Variants in ZBTB8B observed in about 807,000 individuals in gnomAD.
The protein encoded by ZBTB8B is zinc finger and BTB domain-containing protein 8B.
ZBTB8B carries 17 observed loss-of-function variants against 30.3 expected under a neutral mutation model. The observed-to-expected ratio is 0.56, with a 90% CI of 0.38 to 0.84. The LOEUF is 0.84. Ranked by LOEUF, ZBTB8B falls within the 40% of genes least tolerant of loss-of-function variation. ZBTB8B has a pLI of 0.00. For missense variants in ZBTB8B, 515 were observed against 644.9 expected, an observed-to-expected ratio of 0.80 and a Z score of 2.18; for synonymous variants, 248 against 255.6, an observed-to-expected ratio of 0.97 and a Z score of 0.28.
chr1:32,475,126 C>T (rs1643652749), intron 2 of ZBTB8B, among the ~76,000 whole-genome samples: 1 of 152,208 alleles, frequency 6.6e-6, no homozygotes, highest in South Asian at 2.1e-4. Context: ...CATACGGCTC[C>T]AGGGTATAGT....
Position 32,487,343 on chromosome 1 carries a change from A to G in ZBTB8B, c.*1925A>G, listed in dbSNP as rs1382878768. 6.6e-6 allele frequency: 1 copy of G among 152,222 alleles called. No individual in the cohort carries two copies. Among genetic ancestry groups the G allele is most frequent in the Non-Finnish European group, 1.5e-5 (1 of 68,064 alleles). 9.4% of individuals were successfully genotyped at this position (152,222 alleles called of 1,614,324 possible). On this transcript the variant is annotated 3_prime_UTR_variant, in exon 4 of 4. Coordinates refer to ENST00000609129, the MANE Select transcript of ZBTB8B (RefSeq NM_001145720.2). ...ACAAGGAAAGTCAGAAATTAAGAAT[A>G]CACATATAGAAATGTTGATAACACT...
chr1:32,479,027 AC>A (rs1160784852), intron 2 of ZBTB8B, among the ~76,000 whole-genome samples: 1 of 152,200 alleles, frequency 6.6e-6, no homozygotes, highest in East Asian at 1.9e-4. Flanking sequence ...CTGTTATCAT[AC>A]CTGTTTTACA....
At position 32,470,966 on chromosome 1, in the gene ZBTB8B, C is replaced by G; in HGVS notation, c.342C>G (p.Cys114Trp). ...AGATGAATGACGTGGTGAACTTCTG[C>G]AAGACATACATTAGGTCATCCCTCG... Reference protein sequence around the residue: ...YLQMNDVVNFCKTYIRSSLDI... With the variant: ...YLQMNDVVNFWKTYIRSSLDI... Residue 114 changes from cysteine to tryptophan, a missense_variant, in exon 2 of 4, where the codon TGC becomes TGG. Coordinates refer to ENST00000609129, the MANE Select transcript of ZBTB8B (RefSeq NM_001145720.2). 1 of 1,552,254 alleles carries G rather than the reference C, an allele frequency of 6.4e-7. No individual in the cohort carries two copies. Among genetic ancestry groups the G allele is most frequent in the Non-Finnish European group, 8.7e-7 (1 of 1,147,110 alleles).
At chr1:32,467,325 C>T (rs905782101) in intron 1 of ZBTB8B, among the ~76,000 whole-genome samples, 3 of 151,538 alleles carry the variant, frequency 2.0e-5, no homozygotes, top group African/African-American at 7.3e-5. Flanking sequence ...TCACTGCAGC[C>T]TCCGCCTCCA....
chr1:32,489,734 C>T lies in ZBTB8B; in HGVS notation c.*4316C>T, dbSNP rs1252852237. The T allele has an allele frequency of 6.6e-6, 1 of 152,134 alleles. No homozygotes were observed. The highest frequency in any genetic ancestry group is 1.9e-4 in the East Asian group (1 of 5,202). The allele number at this position is 152,134 out of a possible 1,614,324, so 9.4% of individuals were successfully genotyped here. On this transcript the variant is annotated 3_prime_UTR_variant, in exon 4 of 4. Coordinates refer to ENST00000609129, the MANE Select transcript of ZBTB8B (RefSeq NM_001145720.2). ...TACTTGTAATGGAATTCCAAAATGGCATTCTTGGGAAGTTATTTCTCTTGG... is the reference window on the plus strand; with the variant it reads ...TACTTGTAATGGAATTCCAAAATGGTATTCTTGGGAAGTTATTTCTCTTGG...
rs1553170367 is a variant in ZBTB8B, at chr1:32,470,513, A to AAGAAG, written c.-41-70_-41-69insGAAGA. On this transcript the variant is annotated intron_variant, in intron 1 of 3. Coordinates refer to ENST00000609129, the MANE Select transcript of ZBTB8B (RefSeq NM_001145720.2). ...AGACGCTGACTCAAAAAAAAAAAAA[A>AAGAAG]AAAAAAAAAAAAAGAAATCTTGTTT... 23 of 1,091,448 alleles carry AAGAAG rather than the reference A, an allele frequency of 2.1e-5. No homozygotes were observed. The East Asian group carries it at 7.6e-4, about 36-fold the overall frequency. The allele number at this position is 1,091,448 out of a possible 1,614,324, so 67.6% of individuals were successfully genotyped here.
In ZBTB8B at chr1:32,486,812, A is replaced by T. The variant is rs974909228; in HGVS notation, c.*1394A>T. 6.6e-6 allele frequency: 1 copy of T among 152,222 alleles called. No homozygotes were observed. 9.4% of individuals were successfully genotyped at this position (152,222 alleles called of 1,614,324 possible). A position where few individuals can be genotyped will look rare whatever the true frequency, so the allele number is the denominator to read the frequency against. On this transcript the variant is annotated 3_prime_UTR_variant, in exon 4 of 4. Transcript: ENST00000609129. Reference sequence around the variant, plus strand: ...CTAGAACTTTAATTGGAGGGAAAGTATAAGCCCATAATGCCAAGTAACATT... The same window carrying T: ...CTAGAACTTTAATTGGAGGGAAAGTTTAAGCCCATAATGCCAAGTAACATT...
intron 2 of ZBTB8B, among the ~76,000 whole-genome samples, chr1:32,478,750 C>T (rs1643682431): frequency 6.6e-6 from 1 of 152,098 alleles, no homozygotes; most frequent in African/African-American, 2.4e-5. Flanking sequence ...GTTGGACTTT[C>T]ACATTCAGTT....
chr1:32,468,860 C>CA (rs770677035), intron 1 of ZBTB8B, among the ~76,000 whole-genome samples: 4,162 of 126,540 alleles, frequency 0.033, 126 homozygotes, highest in African/African-American at 0.086. Flanking sequence ...GAATCTGTCT[C>CA]AAAAAAAAAA....
rs942718422 is a variant in ZBTB8B, at chr1:32,494,289, A to G, written c.*8871A>G. Reference sequence around the variant, plus strand: ...GGGACAGGAGAGATAGTCTAGTCCAACTCCATGTGACAGATGAAATGACGT... The same window carrying G: ...GGGACAGGAGAGATAGTCTAGTCCAGCTCCATGTGACAGATGAAATGACGT... On this transcript the variant is annotated 3_prime_UTR_variant, in exon 4 of 4. Transcript: ENST00000609129. The G allele has an allele frequency of 2.0e-5, 3 of 152,068 alleles. No homozygotes were observed. The highest frequency in any genetic ancestry group is 1.3e-4 in the Admixed American group (2 of 15,240). The allele number at this position is 152,068 out of a possible 1,614,324, so 9.4% of individuals were successfully genotyped here.
Position 32,468,769 on chromosome 1 carries a change from G to A in ZBTB8B, c.-41-1815G>A, listed in dbSNP as rs920735216. On this transcript the variant is annotated intron_variant, in intron 1 of 3. Transcript: ENST00000609129. ...CCAGCTACTTGGGAGGCTGAGGCAG[G>A]AGAATCGCTTGAATATGGAAGGCGG... Among the ~76,000 whole-genome samples the A allele has an allele frequency of 3.9e-5, 6 of 152,106 alleles. No homozygotes were observed. In the South Asian group the frequency reaches 1.3e-3, roughly 32 times the overall value.
At position 32,480,938 on chromosome 1, in the gene ZBTB8B, C is replaced by A; in HGVS notation, c.1039C>A (p.Pro347Thr). The change falls in exon 3 of 4, where the codon CCT becomes ACT. Residue 347 changes from proline to threonine, a missense_variant. Physicochemically the swap from Pro to Thr is conservative, Grantham distance 38. Transcript: ENST00000609129. ...CAAGCTCCACAAGTGTCCTTTCTGC[C>A]CTTACACTGCCAAACAGAAGGGCAT... The part of the protein sequence containing the change: ...PIKLHKCPFC[P>T]YTAKQKGILK... 1.3e-6 allele frequency: 2 copies of A among 1,552,060 alleles called. No individual in the cohort carries two copies. Among genetic ancestry groups the A allele is most frequent in the Non-Finnish European group, 1.7e-6 (2 of 1,147,074 alleles).
At chr1:32,468,435 G>A (rs1643589678) in intron 1 of ZBTB8B, among the ~76,000 whole-genome samples, 2 of 152,252 alleles carry the variant, frequency 1.3e-5, no homozygotes, top group South Asian at 2.1e-4. Flanking sequence ...GTCACAGGGT[G>A]GGATGCCTTA....
rs888454016 is a variant in ZBTB8B at position 32,471,047 on chromosome 1, A to G, written c.423A>G (p.Ala141=). 36 of 1,548,208 alleles carry G rather than the reference A, an allele frequency of 2.3e-5. No individual in the cohort carries two copies. The highest frequency in any genetic ancestry group is 1.7e-4 in the Middle Eastern group (1 of 6,010). Residue 141 remains alanine (A), a synonymous_variant, in exon 2 of 4, where the codon GCA becomes GCG. Coordinates refer to ENST00000609129, the MANE Select transcript of ZBTB8B (RefSeq NM_001145720.2). The part of the protein sequence containing the change: ...EAAVAAAVAA[A]AAAAAAAAAA... ...CTGTGGCTGCAGCAGTGGCGGCGGC[A>G]GCGGCGGCGGCTGCAGCGGCGGCAG...
chr1:32,491,713 C>G lies in ZBTB8B; in HGVS notation c.*6295C>G, dbSNP rs542594831. The G allele has an allele frequency of 6.6e-6, 1 of 152,302 alleles. No homozygotes were observed. Among genetic ancestry groups the G allele is most frequent in the African/African-American group, 2.4e-5 (1 of 41,568 alleles). The allele number at this position is 152,302 out of a possible 1,614,324, so 9.4% of individuals were successfully genotyped here. ...CAAGCGTCACTGTACTTAGGGATGC[C>G]CAGAGCTGAGGCTTCCTATCAGGCA... On this transcript the variant is annotated 3_prime_UTR_variant, in exon 4 of 4. Coordinates refer to ENST00000609129, the MANE Select transcript of ZBTB8B (RefSeq NM_001145720.2).
chr1:32,475,910 C>T lies in ZBTB8B; in HGVS notation c.991+4295C>T, dbSNP rs548872700. ...TCGGCTGACTGCAACCTCCGCCTCC[C>T]AGGTTCAAGTGATTTTCCTGCCTCA... On this transcript the variant is annotated intron_variant, in intron 2 of 3. Coordinates refer to ENST00000609129, the MANE Select transcript of ZBTB8B (RefSeq NM_001145720.2). 6.0e-5 allele frequency among the ~76,000 whole-genome samples: 9 copies of T among 151,242 alleles called. No individual in the cohort carries two copies. In the East Asian group the frequency reaches 1.8e-3, roughly 30 times the overall value.
chr1:32,496,063 C>CA lies in ZBTB8B; in HGVS notation c.*10649dup, dbSNP rs1335580961. The CA allele has an allele frequency of 6.6e-6, 1 of 152,024 alleles. No individual in the cohort carries two copies. The highest frequency in any genetic ancestry group is 1.5e-5 in the Non-Finnish European group (1 of 67,998). 9.4% of individuals were successfully genotyped at this position (152,024 alleles called of 1,614,324 possible). ...TTAGTTAAGGAAAAAAATAACCCCA[C>CA]AAAATAAAGAGAACTATTAGAGCTC... On this transcript the variant is annotated 3_prime_UTR_variant, in exon 4 of 4. Transcript: ENST00000609129.
chr1:32,484,980 T>C lies in ZBTB8B; in HGVS notation c.1171-121T>C. 1.2e-6 allele frequency: 1 copy of C among 840,118 alleles called. No individual in the cohort carries two copies. The highest frequency in any genetic ancestry group is 2.5e-4 in the Middle Eastern group (1 of 4,014). The allele number at this position is 840,118 out of a possible 1,614,324, so 52.0% of individuals were successfully genotyped here. On this transcript the variant is annotated intron_variant, in intron 3 of 3. Transcript: ENST00000609129. This position sits in a 1 kb window ranked among gnomAD's most constrained non-coding sequence, Gnocchi z 4.5. ...CTAATACAAAGACTGTGGCAGAGAATGCAGGTGGAGTGCTGAAAAAGGAAT... is the reference window on the plus strand; with the variant it reads ...CTAATACAAAGACTGTGGCAGAGAACGCAGGTGGAGTGCTGAAAAAGGAAT...
Position 32,494,786 on chromosome 1 carries a change from C to T in ZBTB8B, c.*9368C>T, listed in dbSNP as rs996459173. 1 of 151,954 alleles carries T rather than the reference C, an allele frequency of 6.6e-6. No individual in the cohort carries two copies. The highest frequency in any genetic ancestry group is 1.5e-5 in the Non-Finnish European group (1 of 67,964). The allele number at this position is 151,954 out of a possible 1,614,324, so 9.4% of individuals were successfully genotyped here. ...ATTAACTTGAAGTGATTTTTTCCAACCTCGCTGATTTTTTTCCTTCTTTCT... is the reference window on the plus strand; with the variant it reads ...ATTAACTTGAAGTGATTTTTTCCAATCTCGCTGATTTTTTTCCTTCTTTCT... On this transcript the variant is annotated 3_prime_UTR_variant, in exon 4 of 4. Coordinates refer to ENST00000609129, the MANE Select transcript of ZBTB8B (RefSeq NM_001145720.2).
Sources: allele counts gnomAD v4.1 joint callset (sites outside exome capture counted in the v4.1 genomes callset), GRCh38; gene constraint gnomAD v4.1.1; non-coding constraint Gnocchi (gnomAD v3.1); transcripts MANE v1.5; gene names NCBI Gene and HGNC (gene_info 2026-07-23, HGNC 2026-07-21).